GNG2: variants seen among roughly 807,000 people sequenced by gnomAD.
GNG2 encodes G protein subunit gamma 2.
GNG2 carries 5 observed loss-of-function variants against 5.5 expected under a neutral mutation model. That is an observed-to-expected ratio of 0.91 (90% CI 0.48 to 1.92). The LOEUF is 1.92. Among genes scored for constraint, GNG2 ranks in the 30% most tolerant of loss-of-function variants. The pLI, the probability that GNG2 is intolerant of heterozygous loss-of-function variation, is 0.01. For synonymous variants in GNG2, 28 were observed against 32.0 expected, an observed-to-expected ratio of 0.88 and a Z score of 0.42; for missense variants, 55 against 88.4, an observed-to-expected ratio of 0.62 and a Z score of 1.52.
intron 2 of GNG2, among the ~76,000 whole-genome samples, chr14:51,907,565 G>A (rs1360437445): frequency 3.9e-5 from 6 of 152,196 alleles, no homozygotes; most frequent in Non-Finnish European, 2.9e-5. Context: ...GCTTTTCCCA[G>A]TGTTCTCTCC....
chr14:51,959,615 C>T (rs1199239996), intron 3 of GNG2, among the ~76,000 whole-genome samples: 6 of 152,070 alleles, frequency 3.9e-5, no homozygotes, highest in Admixed American at 3.9e-4. Flanking sequence ...CTGCTTCTAC[C>T]CTTGACTCCC....
chr14:51,919,619 C>T lies in GNG2; in HGVS notation c.-29-31031C>T, dbSNP rs559612423. Among the ~76,000 whole-genome samples the T allele has an allele frequency of 3.9e-5, 6 of 152,278 alleles. No individual in the cohort carries two copies. In the East Asian group the frequency reaches 7.7e-4, roughly 20 times the overall value. On this transcript the variant is annotated intron_variant, in intron 2 of 3. Coordinates refer to ENST00000556766, the MANE Select transcript of GNG2 (RefSeq NM_053064.5). Reference sequence around the variant, plus strand: ...GGTTTGACAACATAACCAGTCCCAGCTAGTGGGTTCCTGGACCCTGAATGA... The same window carrying T: ...GGTTTGACAACATAACCAGTCCCAGTTAGTGGGTTCCTGGACCCTGAATGA...
chr14:51,870,934 G>T (rs1395567633), intron 1 of GNG2, among the ~76,000 whole-genome samples: 1 of 152,170 alleles, frequency 6.6e-6, no homozygotes, highest in Non-Finnish European at 1.5e-5. Context: ...AATGGTAGGA[G>T]TACTTTTTAA....
chr14:51,832,421 A>G (rs770699172), intron 2 of GNG2, among the ~76,000 whole-genome samples: 11 of 152,250 alleles, frequency 7.2e-5, no homozygotes, highest in Non-Finnish European at 1.5e-4. Context: ...CAAAACTATT[A>G]CAGGGCAATA....
At chr14:51,914,280 A>G (rs1886474957) in intron 2 of GNG2, 5 of 702,150 alleles carry the variant, frequency 7.1e-6, no homozygotes, top group South Asian at 1.5e-5. Flanking sequence ...CCAAGGTAGA[A>G]TGGAAAAGGA....
At chr14:51,929,530 A>C (rs1887532083) in intron 2 of GNG2, among the ~76,000 whole-genome samples, 1 of 152,234 alleles carries the variant, frequency 6.6e-6, no homozygotes, top group South Asian at 2.1e-4. Flanking sequence ...AAGGTAAAGA[A>C]AGAATACCAG....
intron 2 of GNG2, among the ~76,000 whole-genome samples, chr14:51,928,357 A>G (rs1045103312): frequency 2.6e-5 from 4 of 152,078 alleles, no homozygotes; most frequent in Admixed American, 2.6e-4. Context: ...CGGTGAACTT[A>G]AAATTAAGGT....
At chr14:51,924,682 G>T (rs112984389) in intron 2 of GNG2, among the ~76,000 whole-genome samples, 1 of 152,154 alleles carries the variant, frequency 6.6e-6, no homozygotes, top group East Asian at 1.9e-4. Flanking sequence ...TAGGCAAGCC[G>T]CAATACATAG....
chr14:51,963,407 G>T (rs1045984898), intron 3 of GNG2, among the ~76,000 whole-genome samples: 1 of 152,158 alleles, frequency 6.6e-6, no homozygotes, highest in Non-Finnish European at 1.5e-5. Flanking sequence ...ATGAGTTTTA[G>T]ATATCACTGA....
intron 2 of GNG2, among the ~76,000 whole-genome samples, chr14:51,889,960 C>G (rs955981657): frequency 1.3e-5 from 2 of 152,160 alleles, no homozygotes; most frequent in Non-Finnish European, 2.9e-5. Context: ...AGCATCTTAG[C>G]TAAATCAGAT....
At chr14:51,845,981 A>G (rs1881613725) in intron 2 of GNG2, among the ~76,000 whole-genome samples, 1 of 152,170 alleles carries the variant, frequency 6.6e-6, no homozygotes, top group Admixed American at 6.6e-5. Context: ...AAAACATGGG[A>G]CACTCCAGTT....
At chr14:51,861,142 A>G (rs1882450928) in intron 1 of GNG2, among the ~76,000 whole-genome samples, 1 of 152,038 alleles carries the variant, frequency 6.6e-6, no homozygotes, top group African/African-American at 2.4e-5. Flanking sequence ...GTTTTAGGGG[A>G]GTGAGTGGTG....
intron 2 of GNG2, among the ~76,000 whole-genome samples, chr14:51,943,874 A>T (rs1888493101): frequency 6.6e-6 from 1 of 152,234 alleles, no homozygotes; most frequent in South Asian, 2.1e-4. Context: ...AGCCAAAGCA[A>T]TGGACAAATT....
chr14:51,955,502 T>C (rs1412480197), intron 3 of GNG2, among the ~76,000 whole-genome samples: 1 of 152,226 alleles, frequency 6.6e-6, no homozygotes, highest in African/African-American at 2.4e-5. Context: ...GCATCTTTCA[T>C]GGTACTGGGG....
At chr14:51,848,630 T>C (rs536166288) in intron 2 of GNG2, among the ~76,000 whole-genome samples, 82 of 152,292 alleles carry the variant, frequency 5.4e-4, no homozygotes, top group African/African-American at 1.8e-3. Context: ...TGTATCAGCC[T>C]GGGTATATTA....
At chr14:51,899,176 C>A (rs1314972315) in intron 2 of GNG2, among the ~76,000 whole-genome samples, 1 of 152,174 alleles carries the variant, frequency 6.6e-6, no homozygotes, top group African/African-American at 2.4e-5. Flanking sequence ...TGCTCTAAGG[C>A]TTGTTTGGAG....
upstream of GNG2, chr14:51,860,379 G>C (rs1349634288): frequency 6.5e-6 from 1 of 153,028 alleles, no homozygotes; most frequent in Non-Finnish European, 1.5e-5. Context: ...ATGAGAAAAG[G>C]GGAAGGAAGG....
intron 2 of GNG2, among the ~76,000 whole-genome samples, chr14:51,928,251 C>T (rs1379639628): frequency 1.3e-5 from 2 of 151,910 alleles, no homozygotes; most frequent in African/African-American, 2.4e-5. Context: ...AAGCTGGTCT[C>T]GAACTCCTGA....
At chr14:51,827,656 T>C in intron 1 of GNG2, 1 of 699,350 alleles carries the variant, frequency 1.4e-6, no homozygotes, top group African/African-American at 1.7e-5. Context: ...CGTATATGTT[T>C]ACATATCCCA....
Sources: allele counts gnomAD v4.1 joint callset (sites outside exome capture counted in the v4.1 genomes callset), GRCh38; gene constraint gnomAD v4.1.1; transcripts MANE v1.5; gene names NCBI Gene and HGNC (gene_info 2026-07-23, HGNC 2026-07-21).